The following LRRC63 variants were observed in gnomAD, a reference collection of about 807,000 sequenced individuals.
LRRC63 encodes leucine rich repeat containing 63, also known as leucine-rich repeat-containing protein 63.
Under a neutral mutation model 49.5 loss-of-function variants are expected in LRRC63, and 40 were observed. That is an observed-to-expected ratio of 0.81 (90% CI 0.63 to 1.05). The LOEUF is 1.05. Among genes scored for constraint, LRRC63 ranks in the 50% least tolerant of loss-of-function variants. The probability of loss-of-function intolerance (pLI) is 0.00; values close to 1 mark genes in which losing one functional copy is unlikely to be tolerated. For synonymous variants in LRRC63, 191 were observed against 221.1 expected (o/e 0.86, Z 1.21); for missense variants, 636 against 663.1 (o/e 0.96, Z 0.45).
At chr13:46,233,206 C>G (rs2046814063) in intron 4 of LRRC63, among the ~76,000 whole-genome samples, 1 of 152,138 alleles carries the variant, frequency 6.6e-6, no homozygotes, top group African/African-American at 2.4e-5. Context: ...CTCCATCTTC[C>G]TCATTTCTAC....
chr13:46,214,120 A>G (rs764983916), intron 2 of LRRC63, among the ~76,000 whole-genome samples: 1 of 152,168 alleles, frequency 6.6e-6, no homozygotes, highest in Non-Finnish European at 1.5e-5. Flanking sequence ...AAGCAATACA[A>G]TTAGCATATT....
chr13:46,236,798 G>T (rs1256630852), intron 5 of LRRC63, among the ~76,000 whole-genome samples: 1 of 152,132 alleles, frequency 6.6e-6, no homozygotes, highest in Non-Finnish European at 1.5e-5. Flanking sequence ...TTGGTTATCG[G>T]TTTATATTAC....
chr13:46,244,255 T>G (rs768158398), intron 5 of LRRC63, among the ~76,000 whole-genome samples: 4 of 151,944 alleles, frequency 2.6e-5, no homozygotes, highest in Non-Finnish European at 5.9e-5. Context: ...TATTGTAAGG[T>G]TCTTTTTTTT....
intron 1 of LRRC63, among the ~76,000 whole-genome samples, chr13:46,212,635 GGA>G (rs1293274034): frequency 6.6e-6 from 1 of 152,020 alleles, no homozygotes; most frequent in Admixed American, 6.6e-5. Flanking sequence ...ATAACATTTT[GGA>G]GAGAGAGAAA....
rs1333539828 is a variant in LRRC63 at position 46,267,438 on chromosome 13, T to TTA, written c.1550+467_1550+468dup. ...TTGCCTAATCTCAAGACCAGGGTAC[T>TTA]TAAACTGCCACATCCTTACAATCCA... On this transcript the variant is annotated intron_variant, in intron 9 of 9. Transcript: ENST00000595396. Among the ~76,000 whole-genome samples, 6 of 152,336 alleles carry TTA rather than the reference T, an allele frequency of 3.9e-5. No individual in the cohort carries two copies. The East Asian group carries it at 1.2e-3, about 29-fold the overall frequency.
At chr13:46,220,461 A>AGT (rs2046372765) in intron 2 of LRRC63, among the ~76,000 whole-genome samples, 1 of 151,980 alleles carries the variant, frequency 6.6e-6, no homozygotes, top group African/African-American at 2.4e-5. Context: ...CTCCCCCACC[A>AGT]AGCTTGTGTC....
chr13:46,248,734 A>G lies in LRRC63; in HGVS notation c.1090-1621A>G, dbSNP rs545038902. Among the ~76,000 whole-genome samples the G allele has an allele frequency of 2.2e-4, 33 of 152,032 alleles. No individual in the cohort carries two copies. The South Asian group carries it at 6.6e-3, about 31-fold the overall frequency. On this transcript the variant is annotated intron_variant, in intron 6 of 9. Coordinates refer to ENST00000595396, the Ensembl canonical transcript of LRRC63. The stretch of plus-strand genomic sequence containing the variant: ...ATGAATAGAAAAATTAGGCAGAAGA[A>G]CAAGAGGGAAATAGAAGAATTGAAC...
At chr13:46,220,401 C>CA (rs2046370605) in intron 2 of LRRC63, among the ~76,000 whole-genome samples, 1 of 152,132 alleles carries the variant, frequency 6.6e-6, no homozygotes, top group Admixed American at 6.5e-5. Context: ...GCTTTGTATA[C>CA]ACTGTGCAGG....
exon 4 of LRRC63, chr13:46,228,719 C>A (rs1219433941): frequency 6.5e-7 from 1 of 1,540,414 alleles, no homozygotes; most frequent in South Asian, 1.2e-5. Flanking sequence ...CAAATCCCAC[C>A]AAGACCACCT....
chr13:46,257,671 T>C (rs9595446), intron 7 of LRRC63, among the ~76,000 whole-genome samples: 11,885 of 152,198 alleles, frequency 0.078, 1,542 homozygotes, highest in African/African-American at 0.27. Flanking sequence ...GGGTTTGTGA[T>C]GTAAATTTAG....
intron 2 of LRRC63, among the ~76,000 whole-genome samples, chr13:46,219,274 A>G (rs2046339396): frequency 6.6e-6 from 1 of 152,156 alleles, no homozygotes; most frequent in Admixed American, 6.5e-5. Flanking sequence ...ACATAATGCC[A>G]TATTTCTTGG....
chr13:46,218,678 T>C (rs961587239), intron 2 of LRRC63, among the ~76,000 whole-genome samples: 1 of 152,216 alleles, frequency 6.6e-6, no homozygotes, highest in Non-Finnish European at 1.5e-5. Flanking sequence ...CTTTAGTTGA[T>C]GCAGTTTCTT....
exon 3 of LRRC63, chr13:46,227,700 TCTA>T: frequency 6.4e-7 from 1 of 1,550,456 alleles, no homozygotes; most frequent in Non-Finnish European, 8.7e-7. Context: ...ACCCCAGAAA[TCTA>T]CTAAGCATGT....
At chr13:46,268,264 G>C (rs999896231) in intron 9 of LRRC63, among the ~76,000 whole-genome samples, 1 of 152,188 alleles carries the variant, frequency 6.6e-6, no homozygotes, top group Admixed American at 6.5e-5. Context: ...CACCTGAAGA[G>C]AGATCTGAAA....
intron 5 of LRRC63, among the ~76,000 whole-genome samples, chr13:46,243,076 A>G (rs900991676): frequency 6.6e-6 from 1 of 152,350 alleles, no homozygotes; most frequent in African/African-American, 2.4e-5. Context: ...TATGAAGACT[A>G]AAAGACAAAA....
chr13:46,271,829 G>A (rs1469559727), intron 9 of LRRC63, among the ~76,000 whole-genome samples: 1 of 151,592 alleles, frequency 6.6e-6, no homozygotes, highest in East Asian at 1.9e-4. Flanking sequence ...TGTAAGGGCT[G>A]TAACACATAA....
At chr13:46,228,268 C>A in intron 3 of LRRC63, 79 bp downstream of exon 3, 2 of 1,115,626 alleles carry the variant, frequency 1.8e-6, no homozygotes, top group Non-Finnish European at 2.5e-6. Context: ...CTAATGGTAC[C>A]CCTCCCGCTT....
chr13:46,259,746 AT>A (rs150911265), intron 7 of LRRC63, among the ~76,000 whole-genome samples: 1 of 152,158 alleles, frequency 6.6e-6, no homozygotes, highest in African/African-American at 2.4e-5. Flanking sequence ...TATAGCTTCC[AT>A]TTTTTTAACC....
At chr13:46,264,240 G>A (rs553605618) in intron 8 of LRRC63, among the ~76,000 whole-genome samples, 2 of 152,164 alleles carry the variant, frequency 1.3e-5, no homozygotes, top group East Asian at 1.9e-4. Flanking sequence ...TGTCTTTCCC[G>A]GAATTCAGTG....
Sources: allele counts gnomAD v4.1 joint callset (sites outside exome capture counted in the v4.1 genomes callset), GRCh38; gene constraint gnomAD v4.1.1; transcripts MANE v1.5; gene names NCBI Gene and HGNC (gene_info 2026-07-23, HGNC 2026-07-21).